Variants in CDH4 observed in about 807,000 individuals in gnomAD.
CDH4 encodes cadherin 4.
A neutral mutation model predicts 86.0 loss-of-function variants in CDH4; 33 were observed. The observed-to-expected ratio is 0.38, with a 90% CI of 0.29 to 0.51. The LOEUF is 0.51. CDH4 is among the 20% of genes least tolerant of loss of function. The probability of loss-of-function intolerance (pLI) is 0.86; values close to 1 mark genes in which losing one functional copy is unlikely to be tolerated. For missense variants in CDH4, 1,114 were observed against 1,307.4 expected, an observed-to-expected ratio of 0.85 and a Z score of 2.28; for synonymous variants, 555 against 549.4, an observed-to-expected ratio of 1.01 and a Z score of -0.14.
intron 2 of CDH4, among the ~76,000 whole-genome samples, chr20:61,475,425 A>T (rs1600701863): frequency 1.7e-5 from 2 of 116,078 alleles, no homozygotes; most frequent in East Asian, 2.6e-4. Flanking sequence ...AGCCTCCTCC[A>T]CCACTTTCTC....
At chr20:61,274,121 G>C (rs2084208388) in intron 2 of CDH4, among the ~76,000 whole-genome samples, 1 of 128,032 alleles carries the variant, frequency 7.8e-6, no homozygotes, top group Non-Finnish European at 1.6e-5. Context: ...GTTTGGGGGA[G>C]TATTGGAGTA....
At chr20:61,541,461 A>G (rs926353910) in intron 2 of CDH4, among the ~76,000 whole-genome samples, 11 of 152,202 alleles carry the variant, frequency 7.2e-5, no homozygotes, top group African/African-American at 2.7e-4. Context: ...CTATCTTAAA[A>G]ATATTGAATA....
intron 2 of CDH4, among the ~76,000 whole-genome samples, chr20:61,548,753 T>C (rs1472856259): frequency 6.6e-6 from 1 of 152,170 alleles, no homozygotes; most frequent in Non-Finnish European, 1.5e-5. Flanking sequence ...AGTTAACAGG[T>C]ACACCGTGAC....
At chr20:61,315,808 A>G (rs1232264680) in intron 2 of CDH4, among the ~76,000 whole-genome samples, 2 of 152,200 alleles carry the variant, frequency 1.3e-5, no homozygotes, top group Non-Finnish European at 2.9e-5. Flanking sequence ...GTCTCAAGCA[A>G]TCTTTCCACA....
chr20:61,565,215 CGGTGGTAGGTGGTGGT>C (rs1435120273), intron 2 of CDH4, among the ~76,000 whole-genome samples: 1 of 41,168 alleles, frequency 2.4e-5, no homozygotes, highest in Non-Finnish European at 4.5e-5. Flanking sequence ...GCGGTGCTCT[CGGTGGTAGGTGGTGGT>C]GGTGGTGGTG....
rs528419053 is a variant in CDH4, at chr20:61,422,538, T to C, written c.169+167601T>C. On this transcript the variant is annotated intron_variant, in intron 2 of 15. Coordinates refer to ENST00000614565, the MANE Select transcript of CDH4 (RefSeq NM_001794.5). ...AGGGTTCAGAGCAGCAGTAAATACA[T>C]TTATAAACATATGAATATTTTTATA... Among the ~76,000 whole-genome samples the C allele has an allele frequency of 8.0e-5, 12 of 149,188 alleles. 1 individual carries two copies. The South Asian group carries it at 2.6e-3, about 33-fold the overall frequency.
At chr20:61,871,073 CAGAG>C (rs1011278124) in intron 6 of CDH4, among the ~76,000 whole-genome samples, 106 of 146,044 alleles carry the variant, frequency 7.3e-4, no homozygotes, top group African/African-American at 2.6e-3. Flanking sequence ...GTGTACATAT[CAGAG>C]AGAGAGACAG....
intron 2 of CDH4, among the ~76,000 whole-genome samples, chr20:61,280,147 G>T (rs2084251089): frequency 1.3e-5 from 2 of 152,130 alleles, no homozygotes; most frequent in Admixed American, 6.5e-5. Flanking sequence ...GCCAGGCTGG[G>T]TGGGGTGACC....
chr20:61,866,151 G>A (rs1271411730), intron 6 of CDH4, among the ~76,000 whole-genome samples: 3 of 151,920 alleles, frequency 2.0e-5, no homozygotes, highest in Non-Finnish European at 4.4e-5. Context: ...AGGACCCTCG[G>A]TGCCACCCCC....
chr20:61,462,177 C>T (rs565907094), intron 2 of CDH4, among the ~76,000 whole-genome samples: 8 of 152,310 alleles, frequency 5.3e-5, no homozygotes, highest in East Asian at 3.9e-4. Flanking sequence ...GTATTTGAAC[C>T]GCCATCTCCC....
chr20:61,525,799 A>G (rs535679146), intron 2 of CDH4, among the ~76,000 whole-genome samples: 2 of 152,162 alleles, frequency 1.3e-5, no homozygotes, highest in Non-Finnish European at 2.9e-5. Flanking sequence ...TCCTCATTTC[A>G]GGGAGGAAGA....
chr20:61,722,596 A>G (rs577732388), intron 2 of CDH4, among the ~76,000 whole-genome samples: 1 of 151,864 alleles, frequency 6.6e-6, no homozygotes, highest in South Asian at 2.1e-4. Flanking sequence ...AGCCTCTTCC[A>G]CTCTGTCCCA....
chr20:61,427,930 A>G (rs574464818), intron 2 of CDH4, among the ~76,000 whole-genome samples: 30 of 152,160 alleles, frequency 2.0e-4, no homozygotes, highest in African/African-American at 6.5e-4. Flanking sequence ...AAAGAGAGGG[A>G]AAGACTTTGA....
At chr20:61,862,054 G>A (rs1011469179) in intron 6 of CDH4, among the ~76,000 whole-genome samples, 4 of 152,192 alleles carry the variant, frequency 2.6e-5, no homozygotes, top group African/African-American at 7.2e-5. Flanking sequence ...CAAAGGCTGT[G>A]CCCTCAGCCC....
At chr20:61,494,903 A>G (rs577358047) in intron 2 of CDH4, among the ~76,000 whole-genome samples, 1 of 152,368 alleles carries the variant, frequency 6.6e-6, no homozygotes, top group South Asian at 2.1e-4. Context: ...GACTGAGCTG[A>G]CATTCATTCG....
chr20:61,606,014 G>A (rs1003120600), intron 2 of CDH4, among the ~76,000 whole-genome samples: 6 of 152,136 alleles, frequency 3.9e-5, no homozygotes, highest in African/African-American at 1.4e-4. Flanking sequence ...AAACCTCTGG[G>A]CAATGCTGGG....
intron 2 of CDH4, among the ~76,000 whole-genome samples, chr20:61,318,459 C>T (rs1248854083): frequency 6.6e-6 from 1 of 152,160 alleles, no homozygotes; most frequent in Non-Finnish European, 1.5e-5. Flanking sequence ...CTCCTTTACC[C>T]CTTGCCTCAT....
chr20:61,802,702 G>A (rs1979894219), intron 4 of CDH4, among the ~76,000 whole-genome samples: 2 of 152,236 alleles, frequency 1.3e-5, no homozygotes, highest in African/African-American at 2.4e-5. Context: ...CCTGGGAGCT[G>A]CCTCCCAGCC....
rs2087285702 is a variant in CDH4, at chr20:61,663,551, G to A, written c.170-80012G>A. Among the ~76,000 whole-genome samples the A allele has an allele frequency of 6.6e-6, 1 of 152,188 alleles. No homozygotes were observed. The highest frequency in any genetic ancestry group is 1.5e-5 in the Non-Finnish European group (1 of 68,024). On this transcript the variant is annotated intron_variant, in intron 2 of 15. Coordinates refer to ENST00000614565, the MANE Select transcript of CDH4 (RefSeq NM_001794.5). This position sits in a 1 kb window ranked among gnomAD's most constrained non-coding sequence, Gnocchi z 5.0. The stretch of plus-strand genomic sequence containing the variant: ...CCGGAGGAAGGTGAACAGGGCAGGG[G>A]GCAGTGGGGCTGGATTTTATCCCAA...
Sources: allele counts gnomAD v4.1 joint callset (sites outside exome capture counted in the v4.1 genomes callset), GRCh38; gene constraint gnomAD v4.1.1; non-coding constraint Gnocchi (gnomAD v3.1); transcripts MANE v1.5; gene names NCBI Gene and HGNC (gene_info 2026-07-23, HGNC 2026-07-21).